The following GOLPH3L variants were observed in gnomAD, a reference collection of about 807,000 sequenced individuals.
GOLPH3L encodes Golgi phosphoprotein 3-like.
Under a neutral mutation model 30.3 loss-of-function variants are expected in GOLPH3L, and 22 were observed. That is an observed-to-expected ratio of 0.73 (90% CI 0.52 to 1.04). GOLPH3L has a LOEUF of 1.04. GOLPH3L is among the 50% of genes least tolerant of loss of function. The pLI is 0.00. For synonymous variants in GOLPH3L, 120 were observed against 128.2 expected (o/e 0.94, Z 0.43); for missense variants, 303 against 345.8 (o/e 0.88, Z 0.98).
chr1:150,691,083 C>G (rs1553188918), intron 2 of GOLPH3L, among the ~76,000 whole-genome samples: 1 of 150,964 alleles, frequency 6.6e-6, no homozygotes, highest in Non-Finnish European at 1.5e-5. Context: ...CACTTGAGAT[C>G]AGGAGTTCAA....
intron 2 of GOLPH3L, among the ~76,000 whole-genome samples, chr1:150,668,901 T>TTGTC (rs1650576592): frequency 6.6e-6 from 1 of 152,230 alleles, no homozygotes; most frequent in Admixed American, 6.5e-5. Context: ...TTTTCTTTTG[T>TTGTC]TGTCTCATTT....
chr1:150,648,575 T>G lies in GOLPH3L; in HGVS notation c.604A>C (p.Lys202Gln), dbSNP rs768796964. Residue 202 changes from lysine to glutamine, a missense_variant, in exon 5 of 5, where the codon AAA becomes CAA. By Grantham distance (53) the Lys-to-Gln change is moderately conservative. Coordinates refer to ENST00000271732, the MANE Select transcript of GOLPH3L (RefSeq NM_018178.6). ...NTTEKQRLVK[K>Q]LQDSVLERWV... The stretch of plus-strand genomic sequence containing the variant: ...CGCTCTAGTACACTATCTTGAAGTT[T>G]TTTCACTAGTCGCTGTTTCTCTGTT... 14 of 1,614,042 alleles carry G rather than the reference T, an allele frequency of 8.7e-6. No individual in the cohort carries two copies. The highest frequency in any genetic ancestry group is 1.2e-5 in the Non-Finnish European group (14 of 1,179,956).
At chr1:150,681,472 G>T (rs1360201124) in intron 2 of GOLPH3L, among the ~76,000 whole-genome samples, 1 of 152,126 alleles carries the variant, frequency 6.6e-6, no homozygotes, top group East Asian at 1.9e-4. Flanking sequence ...AGGAAACATG[G>T]CAGGAATATA....
intron 2 of GOLPH3L, among the ~76,000 whole-genome samples, chr1:150,679,643 A>C (rs1351485073): frequency 1.3e-5 from 2 of 152,044 alleles, no homozygotes; most frequent in Non-Finnish European, 2.9e-5. Context: ...ACAAGAAAAT[A>C]AAAAAAATTA....
At chr1:150,666,219 C>T (rs1650496084) in intron 2 of GOLPH3L, among the ~76,000 whole-genome samples, 1 of 152,162 alleles carries the variant, frequency 6.6e-6, no homozygotes, top group South Asian at 2.1e-4. Context: ...GGTCTCTAAG[C>T]ACTTTGGCTC....
At chr1:150,689,853 G>A (rs1234758198) in intron 2 of GOLPH3L, among the ~76,000 whole-genome samples, 1 of 151,938 alleles carries the variant, frequency 6.6e-6, no homozygotes, top group Non-Finnish European at 1.5e-5. Flanking sequence ...GGCCAGGCTG[G>A]TCTCGAACTC....
chr1:150,677,055 G>A (rs1031970696), intron 2 of GOLPH3L, among the ~76,000 whole-genome samples: 1 of 150,220 alleles, frequency 6.7e-6, no homozygotes, highest in African/African-American at 2.5e-5. Context: ...GGCTACATGC[G>A]TAATTTTATT....
At chr1:150,666,838 A>G (rs1374312683) in intron 2 of GOLPH3L, among the ~76,000 whole-genome samples, 6 of 152,158 alleles carry the variant, frequency 3.9e-5, no homozygotes, top group Non-Finnish European at 7.4e-5. Context: ...TTATTTTAAT[A>G]TGGGACAATA....
chr1:150,687,773 G>A (rs929180046), intron 2 of GOLPH3L, among the ~76,000 whole-genome samples: 3 of 151,994 alleles, frequency 2.0e-5, no homozygotes, highest in Non-Finnish European at 4.4e-5. Context: ...ATTCCCATAC[G>A]TATAGTGGAT....
intron 4 of GOLPH3L, among the ~76,000 whole-genome samples, chr1:150,650,197 A>G (rs922746012): frequency 1.3e-5 from 2 of 152,162 alleles, no homozygotes; most frequent in African/African-American, 4.8e-5. Context: ...AAGGATAAAA[A>G]AATTTAATTG....
At chr1:150,661,461 T>A (rs1462605438) in intron 4 of GOLPH3L, among the ~76,000 whole-genome samples, 1 of 152,214 alleles carries the variant, frequency 6.6e-6, no homozygotes, top group African/African-American at 2.4e-5. Context: ...AAATGTGGTA[T>A]GGCCATGCAA....
Position 150,688,148 on chromosome 1 carries a change from T to C in GOLPH3L, c.183+6508A>G, listed in dbSNP as rs1651134245. ...CTTCCAGGATGCTGATATTGTTCTA[T>C]TGGTGATTACATGACTGTTGGCTTT... On this transcript the variant is annotated intron_variant, in intron 2 of 4. Coordinates refer to ENST00000271732, the MANE Select transcript of GOLPH3L (RefSeq NM_018178.6). 2.0e-5 allele frequency among the ~76,000 whole-genome samples: 3 copies of C among 152,364 alleles called. No homozygotes were observed. In the South Asian group the frequency reaches 6.2e-4, roughly 32 times the overall value.
In GOLPH3L at chr1:150,678,105, G is replaced by A. The variant is rs183967755; in HGVS notation, c.184-14342C>T. Among the ~76,000 whole-genome samples the A allele has an allele frequency of 8.5e-3, 1,285 of 151,414 alleles. 9 individuals are homozygous for A. Among genetic ancestry groups the A allele is most frequent in the Non-Finnish European group, 0.014 (966 of 67,790 alleles). On this transcript the variant is annotated intron_variant, in intron 2 of 4. Transcript: ENST00000271732. ...ACCTGAAGTCAGGAGTTCGAGACCA[G>A]CCTTACCAACATGGAGAAACCCCGT...
At chr1:150,691,601 C>T (rs11803569) in intron 2 of GOLPH3L, among the ~76,000 whole-genome samples, 58,497 of 151,916 alleles carry the variant, frequency 0.39, 11,572 homozygotes, top group South Asian at 0.55. Flanking sequence ...GAAATCCTCT[C>T]CATTTTCCTT....
chr1:150,652,705 T>C (rs1411539754), intron 4 of GOLPH3L, among the ~76,000 whole-genome samples: 3 of 152,128 alleles, frequency 2.0e-5, no homozygotes, highest in Non-Finnish European at 4.4e-5. Flanking sequence ...TTTATATAAT[T>C]GTTATTGTTG....
intron 4 of GOLPH3L, among the ~76,000 whole-genome samples, chr1:150,651,642 C>CAAAAAAA (rs59940841): frequency 8.6e-4 from 52 of 60,798 alleles, no homozygotes; most frequent in Non-Finnish European, 8.9e-4. Flanking sequence ...GAGCGAAACT[C>CAAAAAAA]AAAAAAAAAA....
chr1:150,672,845 C>T (rs746476697), intron 2 of GOLPH3L, among the ~76,000 whole-genome samples: 15 of 152,184 alleles, frequency 9.9e-5, no homozygotes, highest in Middle Eastern at 3.4e-3. Flanking sequence ...TCAGCCTGAT[C>T]GTGAGGAAGG....
intron 2 of GOLPH3L, among the ~76,000 whole-genome samples, chr1:150,682,782 TAAAA>T (rs922367929): frequency 6.6e-6 from 1 of 151,564 alleles, no homozygotes; most frequent in African/African-American, 2.4e-5. Context: ...AGAAAACAAA[TAAAA>T]AAGAGAATAC....
intron 2 of GOLPH3L, among the ~76,000 whole-genome samples, chr1:150,671,806 C>CA (rs397793655): frequency 0.41 from 19,514 of 47,782 alleles, 3,559 homozygotes; most frequent in Non-Finnish European, 0.49. Context: ...AACTCCGTCT[C>CA]AAAAAAAAAA....
Sources: gnomAD v4.1 joint callset for allele counts (sites outside exome capture counted in the v4.1 genomes callset) on GRCh38, gnomAD v4.1.1 for gene constraint, MANE v1.5 for transcripts, NCBI Gene and HGNC (gene_info 2026-07-23, HGNC 2026-07-21) for gene names.